The following DNAH6 variants were observed in gnomAD, a reference collection of about 807,000 sequenced individuals.
The protein encoded by DNAH6 is axonemal beta dynein heavy chain 6.
In DNAH6, 340 loss-of-function variants were observed where a neutral mutation model predicts 491.4. The ratio of observed to expected loss-of-function variants is 0.69; its 90% CI spans 0.63 to 0.76. The LOEUF is 0.76. DNAH6 is among the 30% of genes least tolerant of loss of function. DNAH6 has a pLI of 0.00. For synonymous variants in DNAH6, 1,603 were observed against 1,686.1 expected (o/e 0.95, Z 1.21); for missense variants, 4,443 against 4,972.2 (o/e 0.89, Z 3.20).
intron 44 of DNAH6, among the ~76,000 whole-genome samples, chr2:84,688,190 G>A (rs929823200): frequency 1.5e-4 from 22 of 146,288 alleles, no homozygotes; most frequent in African/African-American, 5.4e-4. Context: ...AGCTGAGATC[G>A]CACCACTGCA....
At chr2:84,570,733 G>T (rs1209320780) in intron 11 of DNAH6, among the ~76,000 whole-genome samples, 3 of 152,236 alleles carry the variant, frequency 2.0e-5, no homozygotes, top group Admixed American at 2.0e-4. Flanking sequence ...GCCAAATAAG[G>T]GAATAAAAGC....
At chr2:84,662,464 A>C (rs1388427634) in intron 37 of DNAH6, among the ~76,000 whole-genome samples, 2 of 151,994 alleles carry the variant, frequency 1.3e-5, no homozygotes, top group African/African-American at 4.8e-5. Context: ...TATCCTGCAC[A>C]TGGCTCAGAG....
intron 18 of DNAH6, among the ~76,000 whole-genome samples, chr2:84,602,482 C>CTTTTTTTTTTTTTT (rs3029846): frequency 9.4e-5 from 3 of 32,026 alleles, no homozygotes; most frequent in African/African-American, 4.2e-4. Flanking sequence ...TGTTGTGTCC[C>CTTTTTTTTTTTTTT]TTTTTTTTTT....
chr2:84,737,701 A>T (rs1310793756), intron 62 of DNAH6, among the ~76,000 whole-genome samples: 2 of 151,596 alleles, frequency 1.3e-5, no homozygotes, highest in Non-Finnish European at 3.0e-5. Flanking sequence ...TCTGATTATG[A>T]TTATGGATCT....
At chr2:84,696,717 C>A (rs1695427850) in intron 46 of DNAH6, among the ~76,000 whole-genome samples, 1 of 151,924 alleles carries the variant, frequency 6.6e-6, no homozygotes, top group Non-Finnish European at 1.5e-5. Flanking sequence ...ATATAGTACT[C>A]AAACTTTTAT....
intron 64 of DNAH6, among the ~76,000 whole-genome samples, chr2:84,770,778 T>C (rs1459047032): frequency 6.6e-6 from 1 of 150,932 alleles, no homozygotes; most frequent in Non-Finnish European, 1.5e-5. Context: ...AAGCTAGGAG[T>C]TACAGACCAG....
At chr2:84,583,452 A>G (rs1683238960) in intron 14 of DNAH6, among the ~76,000 whole-genome samples, 1 of 152,238 alleles carries the variant, frequency 6.6e-6, no homozygotes, top group African/African-American at 2.4e-5. Context: ...TAACCTGATT[A>G]CCTGTATTAT....
chr2:84,710,293 C>T lies in DNAH6; in HGVS notation c.9259C>T (p.Arg3087Cys), dbSNP rs1310447814. The T allele has an allele frequency of 9.7e-6, 15 of 1,551,236 alleles. No homozygotes were observed. The highest frequency in any genetic ancestry group is 3.9e-5 in the Admixed American group (2 of 50,950). Residue 3087 changes from arginine (R) to cysteine (C), a missense_variant, in exon 56 of 77, where the codon CGT becomes TGT. Physicochemically the swap from Arg to Cys is radical, Grantham distance 180 (BLOSUM62 -3). Around this residue, in one of 3 missense-constraint regions of DNAH6, gnomAD observed 1,463 missense variants for 1,656.6 expected, o/e 0.88. Coordinates refer to ENST00000389394, the MANE Select transcript of DNAH6 (RefSeq NM_001370.2). ...LMIDPQDQANRWIRNKESKSG... is the reference protein window; with the variant it reads ...LMIDPQDQANCWIRNKESKSG... ...TCTGTGCTTTTCCAAACAGGCAAAC[C>T]GTTGGATAAGGAACAAGGAAAGCAA...
At chr2:84,788,605 G>T (rs1174599343) in intron 68 of DNAH6, among the ~76,000 whole-genome samples, 1 of 152,148 alleles carries the variant, frequency 6.6e-6, no homozygotes, top group Non-Finnish European at 1.5e-5. Flanking sequence ...TGTGGCACTG[G>T]CATAAAAATA....
chr2:84,619,952 C>A, intron 24 of DNAH6, 48 bp downstream of exon 24: 1 of 1,436,966 alleles, frequency 7.0e-7, no homozygotes. Flanking sequence ...TTTGCTACTC[C>A]TCTAGGGTTA....
At chr2:84,732,774 A>G (rs753839911) in intron 61 of DNAH6, among the ~76,000 whole-genome samples, 13 of 152,262 alleles carry the variant, frequency 8.5e-5, no homozygotes, top group Non-Finnish European at 1.3e-4. Context: ...TGCTTAGCAT[A>G]TAAATTGTAT....
intron 64 of DNAH6, 87 bp from the exon 65 acceptor site, chr2:84,781,406 C>A (rs1676686521): frequency 9.0e-7 from 1 of 1,112,416 alleles, no homozygotes; most frequent in South Asian, 1.9e-5. Flanking sequence ...ATATCCTAAG[C>A]AAGAGTCTAC....
chr2:84,595,483 G>A (rs1684489466), intron 17 of DNAH6, among the ~76,000 whole-genome samples, 163 bp from the exon 18 acceptor site: 1 of 152,104 alleles, frequency 6.6e-6, no homozygotes, highest in Admixed American at 6.5e-5. Context: ...GGAATAAACA[G>A]GTGATGCTGG....
chr2:84,730,728 A>G (rs1699053157), intron 61 of DNAH6, among the ~76,000 whole-genome samples: 1 of 152,280 alleles, frequency 6.6e-6, no homozygotes, highest in Non-Finnish European at 1.5e-5. Context: ...ATGCTAGTAC[A>G]TAATAATAGC....
intron 9 of DNAH6, among the ~76,000 whole-genome samples, chr2:84,552,131 C>T (rs1025749475): frequency 2.0e-5 from 3 of 151,450 alleles, no homozygotes; most frequent in Non-Finnish European, 4.4e-5. Context: ...TAATCTGTGT[C>T]GGTAATACAC....
intron 18 of DNAH6, among the ~76,000 whole-genome samples, chr2:84,601,132 A>C (rs1685207297): frequency 6.8e-6 from 1 of 147,726 alleles, no homozygotes; most frequent in Non-Finnish European, 1.5e-5. Flanking sequence ...ATGAACCTGG[A>C]GCATCTTGAG....
upstream of DNAH6, among the ~76,000 whole-genome samples, chr2:84,512,109 C>T (rs141742146): frequency 2.8e-4 from 43 of 152,060 alleles, no homozygotes; most frequent in African/African-American, 9.6e-4. Context: ...GTTTTTCAGG[C>T]GTGTTTGTTT....
chr2:84,491,517 A>T, the DNAH6 span, among the ~76,000 whole-genome samples: 1 of 152,198 alleles, frequency 6.6e-6, no homozygotes, highest in South Asian at 2.1e-4. Context: ...CCAATGAGAC[A>T]TAAGTCCAAA....
chr2:84,608,917 C>T (rs1303326875), intron 21 of DNAH6, among the ~76,000 whole-genome samples: 1 of 152,182 alleles, frequency 6.6e-6, no homozygotes, highest in East Asian at 1.9e-4. Context: ...GAGTAGCCAC[C>T]TTCATCAATG....
Sources: allele counts gnomAD v4.1 joint callset (sites outside exome capture counted in the v4.1 genomes callset), GRCh38; gene constraint gnomAD v4.1.1; regional missense constraint gnomAD v4.1.1; transcripts MANE v1.5; gene names NCBI Gene and HGNC (gene_info 2026-07-23, HGNC 2026-07-21).